DNAH7: variants seen among roughly 807,000 people sequenced by gnomAD.
DNAH7 encodes the protein dynein axonemal heavy chain 7.
In DNAH7, 397 loss-of-function variants were observed where a neutral mutation model predicts 444.6. That is an observed-to-expected ratio of 0.89 (90% CI 0.82 to 0.97). The LOEUF is 0.97. DNAH7 is among the 50% of genes least tolerant of loss of function. DNAH7 has a pLI of 0.00. For missense variants in DNAH7, 4,902 were observed against 4,800.8 expected, an observed-to-expected ratio of 1.02 and a Z score of -0.62; for synonymous variants, 1,636 against 1,624.4, an observed-to-expected ratio of 1.01 and a Z score of -0.17.
At chr2:195,787,599 T>C (rs1276166463) in intron 57 of DNAH7, among the ~76,000 whole-genome samples, 6 of 152,076 alleles carry the variant, frequency 3.9e-5, no homozygotes, top group African/African-American at 1.4e-4. Context: ...ACAAGGAAAA[T>C]AGAACTTTAA....
At chr2:195,792,436 CAT>C (rs1695928659) in intron 57 of DNAH7, among the ~76,000 whole-genome samples, 2 of 135,242 alleles carry the variant, frequency 1.5e-5, no homozygotes, top group Non-Finnish European at 3.2e-5. Flanking sequence ...CACACACACA[CAT>C]TAAAAAAACA....
chr2:195,844,720 T>C (rs1225539219), intron 47 of DNAH7, among the ~76,000 whole-genome samples: 1 of 152,176 alleles, frequency 6.6e-6, no homozygotes, highest in Non-Finnish European at 1.5e-5. Flanking sequence ...AATGAAAATT[T>C]TGGACTTCCC....
intron 30 of DNAH7, 82 bp downstream of exon 30, chr2:195,894,894 A>G: frequency 7.1e-6 from 9 of 1,272,016 alleles, no homozygotes; most frequent in Non-Finnish European, 9.3e-6. Flanking sequence ...TGCCACATTG[A>G]ATGCATCTTT....
At chr2:195,994,719 A>G (rs1693580089) in intron 12 of DNAH7, 2 of 486,084 alleles carry the variant, frequency 4.1e-6, no homozygotes, top group South Asian at 3.3e-5. Flanking sequence ...GGTCTTTAAG[A>G]CCACTAAGTT....
In DNAH7 at chr2:195,737,878, G is replaced by C. The variant is rs925667056; in HGVS notation, c.*43C>G. Reference sequence around the variant, plus strand: ...TAGTAAAATATGCTTTCTCTACTCAGCCAGCCAACAAGAAATAGGAACAAG... The same window carrying C: ...TAGTAAAATATGCTTTCTCTACTCACCCAGCCAACAAGAAATAGGAACAAG... On this transcript the variant is annotated 3_prime_UTR_variant, in exon 65 of 65. Coordinates refer to ENST00000312428, the MANE Select transcript of DNAH7 (RefSeq NM_018897.3). The C allele has an allele frequency of 2.5e-6, 4 of 1,583,420 alleles. No homozygotes were observed. In the African/African-American group the frequency reaches 5.5e-5, roughly 22 times the overall value.
rs1687068863 is a variant in DNAH7 at position 195,907,023 on chromosome 2, G to A, written c.4105-14C>T. The A allele has an allele frequency of 6.3e-7, 1 of 1,597,042 alleles. No homozygotes were observed. The highest frequency in any genetic ancestry group is 8.5e-7 in the Non-Finnish European group (1 of 1,172,180). ...AGATAACAGTCCCTATGAGAAAAGAGTAATGAAAATTTTTGACTTTATCTG... is the reference window on the plus strand; with the variant it reads ...AGATAACAGTCCCTATGAGAAAAGAATAATGAAAATTTTTGACTTTATCTG... On this transcript the variant is annotated splice_polypyrimidine_tract_variant and intron_variant, in intron 25 of 64. Coordinates refer to ENST00000312428, the MANE Select transcript of DNAH7 (RefSeq NM_018897.3).
At chr2:195,868,529 C>T (rs185972935) in intron 40 of DNAH7, among the ~76,000 whole-genome samples, 3 of 150,598 alleles carry the variant, frequency 2.0e-5, no homozygotes, top group East Asian at 3.9e-4. Context: ...GAATCCTTTG[C>T]TCACTTTTAA....
In DNAH7 at chr2:195,910,054, A is replaced by C. The variant is rs201568923; in HGVS notation, c.4077T>G (p.Asp1359Glu). 16 of 1,613,132 alleles carry C rather than the reference A, an allele frequency of 9.9e-6. No homozygotes were observed. The change falls in exon 25 of 65, where the codon GAT becomes GAG. Residue 1359 changes from aspartate to glutamate, a missense_variant. Physicochemically the swap from Asp to Glu is conservative, Grantham distance 45 (BLOSUM62 2). Transcript: ENST00000312428. ...CVVFNCSDGL[D>E]YLALGKFFKG... The stretch of plus-strand genomic sequence containing the variant: ...TAAAGAATTTTCCCAAAGCCAAATA[A>C]TCCAACCCATCAGAGCAGTTGAAAA...
chr2:195,836,014 G>GA (rs1299760047), intron 47 of DNAH7, among the ~76,000 whole-genome samples: 2 of 152,164 alleles, frequency 1.3e-5, no homozygotes, highest in South Asian at 4.1e-4. Flanking sequence ...TCTGGACCCT[G>GA]AAAGTCCAAG....
At chr2:196,061,163 G>T (rs1227129263) in intron 1 of DNAH7, among the ~76,000 whole-genome samples, 1 of 152,096 alleles carries the variant, frequency 6.6e-6, no homozygotes, top group Non-Finnish European at 1.5e-5. Context: ...TAGTCATCAT[G>T]ATGTATAATA....
intron 22 of DNAH7, 70 bp from the exon 23 acceptor site, chr2:195,923,877 C>T (rs903891543): frequency 5.5e-6 from 7 of 1,270,560 alleles, no homozygotes; most frequent in Non-Finnish European, 7.9e-6. Context: ...ACATTCTGAA[C>T]TAGTATATAT....
intron 15 of DNAH7, among the ~76,000 whole-genome samples, chr2:195,978,891 A>G (rs1388780016): frequency 6.6e-6 from 1 of 152,212 alleles, no homozygotes; most frequent in Non-Finnish European, 1.5e-5. Flanking sequence ...GAAGATATAT[A>G]GGCACCCAAC....
Position 195,853,332 on chromosome 2 carries a change from G to A in DNAH7, c.8781+11C>T. The A allele has an allele frequency of 6.2e-7, 1 of 1,608,684 alleles. No homozygotes were observed. The highest frequency in any genetic ancestry group is 8.5e-7 in the Non-Finnish European group (1 of 1,177,182). The stretch of plus-strand genomic sequence containing the variant: ...CAGAGGGTCAGGAAGAGATGGAATA[G>A]TGTCCCTTACCTGTCTATAGGTGGA... On this transcript the variant is annotated intron_variant, in intron 46 of 64. Transcript: ENST00000312428.
At chr2:195,800,170 C>T (rs1393958285) in intron 54 of DNAH7, among the ~76,000 whole-genome samples, 1 of 152,158 alleles carries the variant, frequency 6.6e-6, no homozygotes, top group Non-Finnish European at 1.5e-5. Flanking sequence ...AAGGGATCTA[C>T]TCTCATGACC....
chr2:195,960,449 A>G lies in DNAH7; in HGVS notation c.2702T>C (p.Leu901Pro). 1 of 1,614,196 alleles carries G rather than the reference A, an allele frequency of 6.2e-7. No homozygotes were observed. The highest frequency in any genetic ancestry group is 8.5e-7 in the Non-Finnish European group (1 of 1,180,018). Residue 901 changes from leucine to proline, a missense_variant, in exon 18 of 65, where the codon CTT becomes CCT. By Grantham distance (98) the Leu-to-Pro change is moderately conservative. Transcript: ENST00000312428. ...AATCATCTTCTCCATCGCCTTTTCAAGAGAATATTCTTTGCTAGCTGCTTC... is the reference window on the plus strand; with the variant it reads ...AATCATCTTCTCCATCGCCTTTTCAGGAGAATATTCTTTGCTAGCTGCTTC... ...ISEAASKEYS[L>P]EKAMEKMITE...
chr2:195,960,123 G>A, intron 18 of DNAH7, 137 bp downstream of exon 18: 1 of 727,486 alleles, frequency 1.4e-6, no homozygotes, highest in Non-Finnish European at 2.1e-6. Flanking sequence ...AGTATGAAAT[G>A]CAAAATCAAT....
Position 195,936,616 on chromosome 2 carries a change from C to A in DNAH7, c.3255G>T (p.Glu1085Asp). The A allele has an allele frequency of 1.9e-6, 3 of 1,594,176 alleles. No individual in the cohort carries two copies. Among genetic ancestry groups the A allele is most frequent in the Non-Finnish European group, 2.6e-6 (3 of 1,174,300 alleles). The change falls in exon 20 of 65, where the codon GAG becomes GAT. Residue 1085 changes from glutamate (E) to aspartate (D), a missense_variant. Transcript: ENST00000312428. ...SNDELLEILS[E>D]TKDPTRVQPH... ...TTACTTACCTAGTGGGATCTTTAGT[C>A]TCAGATAGTATCTCAAGAAGTTCAT...
In DNAH7 at chr2:195,855,882, G is replaced by A. The variant is rs375780815; in HGVS notation, c.8524C>T (p.Gln2842Ter). The A allele has an allele frequency of 5.0e-6, 8 of 1,613,844 alleles. No homozygotes were observed. In the African/African-American group the frequency reaches 1.1e-4, roughly 22 times the overall value. ...RKKQAALKEVQDKLARLQDTL... is the reference protein window; with the variant it reads ...RKKQAALKEV ...TCTTGAAGCCTGGCCAGCTTGTCCT[G>A]AACTTCCTTAAGGGCTGCCTGCTTC... The change falls in exon 45 of 65, where the codon CAG (glutamine) becomes TAG (stop). Residue 2842 changes from glutamine to a stop codon, truncating the protein, a stop_gained. Transcript: ENST00000312428. LOFTEE classifies it high-confidence loss of function.
intron 1 of DNAH7, 65 bp downstream of exon 1, chr2:196,068,632 C>A: frequency 6.5e-7 from 1 of 1,547,288 alleles, no homozygotes; most frequent in Non-Finnish European, 8.7e-7. Flanking sequence ...GGGGCTTCCA[C>A]CACTTCCGAA....
Sources: gnomAD v4.1 joint callset for allele counts (sites outside exome capture counted in the v4.1 genomes callset) on GRCh38, gnomAD v4.1.1 for gene constraint, MANE v1.5 for transcripts, NCBI Gene and HGNC (gene_info 2026-07-23, HGNC 2026-07-21) for gene names.